Variants in SPATA31D1 observed in about 807,000 individuals in gnomAD.
The protein encoded by SPATA31D1 is spermatogenesis-associated protein 31D1.
In SPATA31D1, 6 loss-of-function variants were observed where a neutral mutation model predicts 13.2. The ratio of observed to expected loss-of-function variants is 0.46; its 90% CI spans 0.25 to 0.90. SPATA31D1 has a LOEUF of 0.90. Ranked by LOEUF, SPATA31D1 falls within the 40% of genes least tolerant of loss-of-function variation. The pLI is 0.18. For synonymous variants in SPATA31D1, 903 were observed against 718.8 expected (o/e 1.26, Z -4.10); for missense variants, 2,445 against 1,884.7 (o/e 1.30, Z -5.50).
chr9:81,992,900 G>A lies in SPATA31D1; in HGVS notation c.2430G>A (p.Met810Ile), dbSNP rs774998083. Residue 810 changes from methionine (M) to isoleucine (I), a missense_variant, in exon 4 of 4, where the codon ATG becomes ATA. Coordinates refer to ENST00000344803, the MANE Select transcript of SPATA31D1 (RefSeq NM_001001670.3). ...NSERDLETHM[M>I]HLSGNDSGVR... ...AGAGAGACCTAGAAACTCATATGAT[G>A]CATCTGTCAGGGAATGACTCAGGGG... 2.5e-6 allele frequency: 4 copies of A among 1,613,684 alleles called. No homozygotes were observed. The highest frequency in any genetic ancestry group is 2.2e-5 in the South Asian group (2 of 91,084).
chr9:81,991,648 A>C lies in SPATA31D1; in HGVS notation c.1178A>C (p.His393Pro), dbSNP rs774755814. 6.8e-6 allele frequency: 11 copies of C among 1,613,624 alleles called. No homozygotes were observed. The highest frequency in any genetic ancestry group is 9.3e-6 in the Non-Finnish European group (11 of 1,179,862). Residue 393 changes from histidine (H) to proline (P), a missense_variant, in exon 4 of 4, where the codon CAC (histidine) becomes CCC (proline). Physicochemically the swap from His to Pro is moderately conservative, Grantham distance 77. Coordinates refer to ENST00000344803, the MANE Select transcript of SPATA31D1 (RefSeq NM_001001670.3). ...LHSSEAFLGG[H>P]SVANLIEPVN... ...TCTTCTGAGGCCTTTTTAGGGGGGC[A>C]CTCTGTGGCCAACCTCATAGAGCCT...
Position 81,990,477 on chromosome 9 carries a change from T to C in SPATA31D1, c.293T>C (p.Leu98Pro), listed in dbSNP as rs201713121. ...GAAGAGGAAAGGAAGCTGCTTTCTCTTCTGAAAAGGTGATTAATCTTTCCC... is the reference window on the plus strand; with the variant it reads ...GAAGAGGAAAGGAAGCTGCTTTCTCCTCTGAAAAGGTGATTAATCTTTCCC... Reference protein sequence around the residue: ...EEEEERKLLSLLKSFGPPVSC... With the variant: ...EEEEERKLLSPLKSFGPPVSC... Residue 98 changes from leucine (L) to proline (P), a missense_variant, in exon 3 of 4, where the codon CTT becomes CCT. Leu to Pro is a moderately conservative substitution (Grantham distance 98). Coordinates refer to ENST00000344803, the MANE Select transcript of SPATA31D1 (RefSeq NM_001001670.3). 1.7e-5 allele frequency: 27 copies of C among 1,605,392 alleles called. No individual in the cohort carries two copies. The highest frequency in any genetic ancestry group is 2.3e-5 in the Non-Finnish European group (27 of 1,175,636).
Position 81,994,407 on chromosome 9 carries a change from A to T in SPATA31D1, c.3937A>T (p.Thr1313Ser). ...TGATGGAGGGGATGCAGGGCTGGGG[A>T]CATCCCAACGCAGGAGAAAGAGCCT... Reference protein sequence around the residue: ...ELDGGDAGLGTSQRRRKSLPV... With the variant: ...ELDGGDAGLGSSQRRRKSLPV... The change falls in exon 4 of 4, where the codon ACA becomes TCA. Residue 1313 changes from threonine to serine, a missense_variant. By Grantham distance (58) the Thr-to-Ser change is moderately conservative. Transcript: ENST00000344803. The T allele has an allele frequency of 6.2e-7, 1 of 1,613,920 alleles. No homozygotes were observed. The highest frequency in any genetic ancestry group is 8.5e-7 in the Non-Finnish European group (1 of 1,179,836).
At position 81,995,047 on chromosome 9, in the gene SPATA31D1, A is replaced by T. The variant is rs768555140; in HGVS notation, c.4577A>T (p.His1526Leu). The change falls in exon 4 of 4, where the codon CAT (histidine) becomes CTT (leucine). Residue 1526 changes from histidine to leucine, a missense_variant. Physicochemically the swap from His to Leu is moderately conservative, Grantham distance 99. Transcript: ENST00000344803. Reference sequence around the variant, plus strand: ...ATGCCCCACAGGAAGCCTGTGCCACATCCAAACCCCACTTGCCGGCGTCAG... The same window carrying T: ...ATGCCCCACAGGAAGCCTGTGCCACTTCCAAACCCCACTTGCCGGCGTCAG... Reference protein sequence around the residue: ...QSMPHRKPVPHPNPTCRRQVS... With the variant: ...QSMPHRKPVPLPNPTCRRQVS... The T allele has an allele frequency of 1.0e-4, 161 of 1,613,708 alleles. 1 individual carries two copies. Among genetic ancestry groups the T allele is most frequent in the Non-Finnish European group, 1.2e-4 (147 of 1,179,820 alleles).
In SPATA31D1 at chr9:81,991,089, A is replaced by G. The variant is rs373731758; in HGVS notation, c.619A>G (p.Thr207Ala). ...AATTCTCTCACCTGACCTGATCACC[A>G]CCTTAGCTGACTTATTTTCACCCTC... is the stretch of plus-strand genomic sequence containing the variant. ...PLILSPDLIT[T>A]LADLFSPSPL... Residue 207 changes from threonine to alanine, a missense_variant, in exon 4 of 4, where the codon ACC (threonine) becomes GCC (alanine). By Grantham distance (58) the Thr-to-Ala change is moderately conservative. Transcript: ENST00000344803. The G allele has an allele frequency of 5.0e-6, 8 of 1,612,544 alleles. No homozygotes were observed. The highest frequency in any genetic ancestry group is 6.8e-6 in the Non-Finnish European group (8 of 1,179,426).
Position 81,994,296 on chromosome 9 carries a change from A to G in SPATA31D1, c.3826A>G (p.Thr1276Ala). The G allele has an allele frequency of 6.2e-7, 1 of 1,613,976 alleles. No individual in the cohort carries two copies. The highest frequency in any genetic ancestry group is 2.2e-5 in the East Asian group (1 of 44,870). Residue 1276 changes from threonine (T) to alanine (A), a missense_variant, in exon 4 of 4, where the codon ACC becomes GCC. By Grantham distance (58) the Thr-to-Ala change is moderately conservative (BLOSUM62 0). Coordinates refer to ENST00000344803, the MANE Select transcript of SPATA31D1 (RefSeq NM_001001670.3). ...VAQKQEPRVPTCVLQKCQVTN... is the reference protein window; with the variant it reads ...VAQKQEPRVPACVLQKCQVTN... ...ACAGAAGCAGGAGCCCAGGGTCCCT[A>G]CCTGTGTCTTACAGAAGTGTCAAGT...
At position 81,995,049 on chromosome 9, in the gene SPATA31D1, C is replaced by T. The variant is rs1283166194; in HGVS notation, c.4579C>T (p.Pro1527Ser). The change falls in exon 4 of 4, where the codon CCA becomes TCA. Residue 1527 changes from proline (P) to serine (S), a missense_variant. Pro to Ser is a moderately conservative substitution (Grantham distance 74). Coordinates refer to ENST00000344803, the MANE Select transcript of SPATA31D1 (RefSeq NM_001001670.3). ...GCCCCACAGGAAGCCTGTGCCACATCCAAACCCCACTTGCCGGCGTCAGGT... is the reference window on the plus strand; with the variant it reads ...GCCCCACAGGAAGCCTGTGCCACATTCAAACCCCACTTGCCGGCGTCAGGT... The part of the protein sequence containing the change: ...SMPHRKPVPH[P>S]NPTCRRQVSL... 3.7e-6 allele frequency: 6 copies of T among 1,613,778 alleles called. No individual in the cohort carries two copies. The South Asian group carries it at 5.5e-5, about 15-fold the overall frequency.
At position 81,991,138 on chromosome 9, in the gene SPATA31D1, C is replaced by T. The variant is rs1177439249; in HGVS notation, c.668C>T (p.Pro223Leu). Residue 223 changes from proline to leucine, a missense_variant, in exon 4 of 4, where the codon CCA becomes CTA. Pro to Leu is a moderately conservative substitution (Grantham distance 98). Transcript: ENST00000344803. The stretch of plus-strand genomic sequence containing the variant: ...TCACCACTGAGGGACCCTCTGCCAC[C>T]ACAGCCTGTTTCTCCCTTGGATTCC... ...SPSPLRDPLP[P>L]QPVSPLDSKF... The T allele has an allele frequency of 6.2e-7, 1 of 1,613,786 alleles. No individual in the cohort carries two copies.
rs199895818 is a variant in SPATA31D1, at chr9:81,993,947, C to T, written c.3477C>T (p.Asn1159=). Residue 1159 remains asparagine (N), a synonymous_variant, in exon 4 of 4, where the codon AAC becomes AAT. Transcript: ENST00000344803. ...ATGCTCTTCAATCACAAACTAGGAA[C>T]AACTTGACAACCAGCAAGTCAGGAA... ...VTNALQSQTR[N]NLTTSKSGSC... 6.2e-7 allele frequency: 1 copy of T among 1,613,872 alleles called. No individual in the cohort carries two copies. The highest frequency in any genetic ancestry group is 8.5e-7 in the Non-Finnish European group (1 of 1,179,776).
In SPATA31D1 at chr9:81,991,335, A is replaced by G. The variant is rs370859354; in HGVS notation, c.865A>G (p.Ile289Val). 7.1e-5 allele frequency: 114 copies of G among 1,613,894 alleles called. No individual in the cohort carries two copies. Among genetic ancestry groups the G allele is most frequent in the Non-Finnish European group, 8.6e-5 (102 of 1,179,890 alleles). Reference sequence around the variant, plus strand: ...AGATATTTCGCAGGCCATGAATCCCATTGATTCTTGTGCTCGTCATCACGG... The same window carrying G: ...AGATATTTCGCAGGCCATGAATCCCGTTGATTCTTGTGCTCGTCATCACGG... The part of the protein sequence containing the change: ...CQDISQAMNP[I>V]DSCARHHGPP... The change falls in exon 4 of 4, where the codon ATT (isoleucine) becomes GTT (valine). Residue 289 changes from isoleucine (I) to valine (V), a missense_variant. By Grantham distance (29) the Ile-to-Val change is conservative. Coordinates refer to ENST00000344803, the MANE Select transcript of SPATA31D1 (RefSeq NM_001001670.3).
chr9:81,993,753 A>T lies in SPATA31D1; in HGVS notation c.3283A>T (p.Ser1095Cys), dbSNP rs1453791725. ...GRQTFLPPPH[S>C]IVDEVSQKQT... ...ACAGACTTTTCTGCCCCCGCCACAC[A>T]GCATCGTAGACGAAGTCAGTCAGAA... The change falls in exon 4 of 4, where the codon AGC becomes TGC. Residue 1095 changes from serine to cysteine, a missense_variant. Coordinates refer to ENST00000344803, the MANE Select transcript of SPATA31D1 (RefSeq NM_001001670.3). 1 of 1,614,012 alleles carries T rather than the reference A, an allele frequency of 6.2e-7. No individual in the cohort carries two copies. The highest frequency in any genetic ancestry group is 1.1e-5 in the South Asian group (1 of 91,088).
Position 81,994,264 on chromosome 9 carries a change from G to T in SPATA31D1, c.3794G>T (p.Arg1265Leu), listed in dbSNP as rs376145655. 1.2e-6 allele frequency: 2 copies of T among 1,613,998 alleles called. No individual in the cohort carries two copies. Among genetic ancestry groups the T allele is most frequent in the Middle Eastern group, 1.6e-4 (1 of 6,062 alleles). Residue 1265 changes from arginine to leucine, a missense_variant, in exon 4 of 4, where the codon CGT becomes CTT. Physicochemically the swap from Arg to Leu is moderately radical, Grantham distance 102 (BLOSUM62 -2). Transcript: ENST00000344803. ...VHVHLEDSGI[R>L]VAQKQEPRVP... ...GTCCACTTGGAGGACAGCGGAATCC[G>T]TGTGGCACAGAAGCAGGAGCCCAGG...
chr9:81,995,102 C>G lies in SPATA31D1; in HGVS notation c.4632C>G (p.Thr1544=). The G allele has an allele frequency of 6.2e-7, 1 of 1,609,918 alleles. No individual in the cohort carries two copies. The highest frequency in any genetic ancestry group is 8.5e-7 in the Non-Finnish European group (1 of 1,177,846). ...QVSLVCPAVP[T]SAKSPVFSDV... is the part of the protein sequence containing the mutation. ...GCCTGGTGTGTCCAGCCGTCCCAAC[C>G]AGTGCTAAAAGCCCTGTGTTTAGTG... The change falls in exon 4 of 4, where the codon ACC becomes ACG. Residue 1544 remains threonine (T), a synonymous_variant. Coordinates refer to ENST00000344803, the MANE Select transcript of SPATA31D1 (RefSeq NM_001001670.3).
Position 81,990,760 on chromosome 9 carries a change from G to T in SPATA31D1, c.303-13G>T, listed in dbSNP as rs1327885110. 2.5e-6 allele frequency: 4 copies of T among 1,595,702 alleles called. No homozygotes were observed. Among genetic ancestry groups the T allele is most frequent in the Non-Finnish European group, 3.4e-6 (4 of 1,170,196 alleles). The stretch of plus-strand genomic sequence containing the variant: ...TAACAAATCTCCTTTCCTTGTTCTG[G>T]TCCTGACTGCAGCTTTGGACCTCCT... On this transcript the variant is annotated splice_polypyrimidine_tract_variant and intron_variant, in intron 3 of 3. Transcript: ENST00000344803.
At position 81,992,928 on chromosome 9, in the gene SPATA31D1, A is replaced by G. The variant is rs1290370183; in HGVS notation, c.2458A>G (p.Arg820Gly). 1.2e-6 allele frequency: 2 copies of G among 1,613,840 alleles called. No homozygotes were observed. The highest frequency in any genetic ancestry group is 1.7e-6 in the Non-Finnish European group (2 of 1,179,740). Residue 820 changes from arginine (R) to glycine (G), a missense_variant, in exon 4 of 4, where the codon AGA becomes GGA. Arg to Gly is a moderately radical substitution (Grantham distance 125). Transcript: ENST00000344803. ...TCTGTCAGGGAATGACTCAGGGGTG[A>G]GACTAGGTCAGAAACAACTTGAAAA... Reference protein sequence around the residue: ...MHLSGNDSGVRLGQKQLENAL... With the variant: ...MHLSGNDSGVGLGQKQLENAL...
In SPATA31D1 at chr9:81,993,455, A is replaced by G; in HGVS notation, c.2985A>G (p.Gln995=). 6.2e-7 allele frequency: 1 copy of G among 1,613,894 alleles called. No homozygotes were observed. Among genetic ancestry groups the G allele is most frequent in the Non-Finnish European group, 8.5e-7 (1 of 1,179,858 alleles). Residue 995 remains glutamine, a synonymous_variant, in exon 4 of 4, where the codon CAA becomes CAG. Coordinates refer to ENST00000344803, the MANE Select transcript of SPATA31D1 (RefSeq NM_001001670.3). The stretch of plus-strand genomic sequence containing the variant: ...ACCCTGTCTCCTCACCTGTCGTCCA[A>G]GAAGGGCAGGGGACCCTGAGAAGAC... ...RPHPVSSPVV[Q]EGQGTLRRQF...
chr9:81,987,645 C>A (rs1351581799), upstream of SPATA31D1, among the ~76,000 whole-genome samples: 1 of 152,060 alleles, frequency 6.6e-6, no homozygotes, highest in Non-Finnish European at 1.5e-5. Flanking sequence ...CCCAAGATCC[C>A]TTGAAGTTTT....
Position 81,992,283 on chromosome 9 carries a change from T to C in SPATA31D1, c.1813T>C (p.Cys605Arg). 6.2e-7 allele frequency: 1 copy of C among 1,613,796 alleles called. No individual in the cohort carries two copies. The highest frequency in any genetic ancestry group is 8.5e-7 in the Non-Finnish European group (1 of 1,179,732). ...ATTCCTGATTAGGATCTGTGGAGTG[T>C]GTTTTCATAGACCCCAGAACGAGGC... The part of the protein sequence containing the change: ...PLFLIRICGV[C>R]FHRPQNEARS... The change falls in exon 4 of 4, where the codon TGT becomes CGT. Residue 605 changes from cysteine (C) to arginine (R), a missense_variant. Transcript: ENST00000344803.
rs1825054327 is a variant in SPATA31D1 at position 81,994,519 on chromosome 9, T to A, written c.4049T>A (p.Phe1350Tyr). The A allele has an allele frequency of 8.1e-6, 13 of 1,613,346 alleles. No homozygotes were observed. The highest frequency in any genetic ancestry group is 1.1e-5 in the Non-Finnish European group (13 of 1,179,676). The change falls in exon 4 of 4, where the codon TTC becomes TAC. Residue 1350 changes from phenylalanine (F) to tyrosine (Y), a missense_variant. Coordinates refer to ENST00000344803, the MANE Select transcript of SPATA31D1 (RefSeq NM_001001670.3). The stretch of plus-strand genomic sequence containing the variant: ...ACACAGCCTCCTCCTGAAAACCTTT[T>A]CAGAAAATGGATGAAGACCTCTTTG... ...LKTQPPPENL[F>Y]RKWMKTSLQW...
Sources: allele counts gnomAD v4.1 joint callset (sites outside exome capture counted in the v4.1 genomes callset), GRCh38; gene constraint gnomAD v4.1.1; transcripts MANE v1.5; gene names NCBI Gene and HGNC (gene_info 2026-07-23, HGNC 2026-07-21).